The following PON1 variants were observed in gnomAD, a reference collection of about 807,000 sequenced individuals.
PON1 encodes serum paraoxonase/arylesterase 1.
Under a neutral mutation model 39.2 loss-of-function variants are expected in PON1, and 37 were observed. The observed-to-expected ratio is 0.94, with a 90% confidence interval of 0.73 to 1.24. The LOEUF is 1.24. Ranked by LOEUF, PON1 falls within the 50% of genes most tolerant of loss-of-function variation. The pLI is 0.00. For missense variants in PON1, 397 were observed against 413.5 expected (o/e 0.96, Z 0.35); for synonymous variants, 148 against 152.2 (o/e 0.97, Z 0.21).
At chr7:95,300,402 T>G (rs1272208722) in intron 8 of PON1, among the ~76,000 whole-genome samples, 2 of 152,226 alleles carry the variant, frequency 1.3e-5, no homozygotes, top group East Asian at 1.9e-4. Context: ...AGAAAGGATA[T>G]CTACATCACA....
chr7:95,303,126 G>C (rs1177132021), intron 7 of PON1, among the ~76,000 whole-genome samples: 1 of 152,150 alleles, frequency 6.6e-6, no homozygotes, highest in African/African-American at 2.4e-5. Context: ...TCAGTGCCCA[G>C]AGAACCTGTA....
At chr7:95,321,884 T>C (rs1807907055) in intron 1 of PON1, among the ~76,000 whole-genome samples, 1 of 152,232 alleles carries the variant, frequency 6.6e-6, no homozygotes. Flanking sequence ...GTCAACTTTC[T>C]TACCATAGTT....
At position 95,316,736 on chromosome 7, in the gene PON1, A is replaced by G; in HGVS notation, c.199T>C (p.Ser67Pro). The G allele has an allele frequency of 6.2e-7, 1 of 1,612,794 alleles. No individual in the cohort carries two copies. Among genetic ancestry groups the G allele is most frequent in the Non-Finnish European group, 8.5e-7 (1 of 1,178,824 alleles). The change falls in exon 3 of 9, where the codon TCT becomes CCT. Residue 67 changes from serine to proline, a missense_variant and splice_region_variant. Ser to Pro is a moderately conservative substitution (Grantham distance 74, BLOSUM62 -1). Transcript: ENST00000222381. ...ILPNGLAFIS[S>P]GLKYPGIKSF... ...GAAAAGTGAAAGAAAACACTCACAG[A>G]GCTAATGAAAGCCAGTCCATTAGGC...
At chr7:95,316,893 CTTCT>C (rs1292060775) in intron 2 of PON1, 104 bp from the exon 3 acceptor site, 1 of 823,088 alleles carries the variant, frequency 1.2e-6, no homozygotes, top group Non-Finnish European at 2.2e-6. Flanking sequence ...ATACATCACT[CTTCT>C]TTAATAGGTT....
rs760914005 is a variant in PON1 at position 95,311,521 on chromosome 7, A to G, written c.427T>C (p.Leu143=). Residue 143 remains leucine, a synonymous_variant, in exon 5 of 9, where the codon TTG becomes CTG. Transcript: ENST00000222381. ...TTTTCTTCTTCTTGAAATTTAAACA[A>G]CTCCACTGTGGACTTGGCATCTGGA... ...NHPDAKSTVE[L]FKFQEEEKSL... The G allele has an allele frequency of 9.7e-5, 156 of 1,613,798 alleles. 2 individuals are homozygous for G. The South Asian group carries it at 1.6e-3, about 16-fold the overall frequency.
Position 95,308,214 on chromosome 7 carries a change from G to A in PON1, c.498-3C>T, listed in dbSNP as rs1167729059. ...CCACAGCAACAATATCATTCAAACT[G>A]CAATTAAAACATACACACATAATAT... is the stretch of plus-strand genomic sequence containing the variant. On this transcript the variant is annotated splice_polypyrimidine_tract_variant and splice_region_variant and intron_variant, in intron 5 of 8. Coordinates refer to ENST00000222381, the MANE Select transcript of PON1 (RefSeq NM_000446.7). 1.2e-6 allele frequency: 2 copies of A among 1,612,454 alleles called. No individual in the cohort carries two copies. The highest frequency in any genetic ancestry group is 1.7e-5 in the Admixed American group (1 of 59,988).
At chr7:95,324,020 G>A (rs944087355) in intron 1 of PON1, among the ~76,000 whole-genome samples, 3 of 152,190 alleles carry the variant, frequency 2.0e-5, no homozygotes, top group African/African-American at 4.8e-5. Flanking sequence ...GCGCAGAAGC[G>A]ACAGGGGCTC....
At position 95,298,804 on chromosome 7, in the gene PON1, TAAAC is replaced by T. The variant is rs1807348998; in HGVS notation, c.*136_*139del. The T allele has an allele frequency of 2.9e-6, 3 of 1,044,788 alleles. No homozygotes were observed. The highest frequency in any genetic ancestry group is 3.8e-5 in the Admixed American group (2 of 52,172). 64.7% of individuals were successfully genotyped at this position (1,044,788 alleles called of 1,614,324 possible). A position where few individuals can be genotyped will look rare whatever the true frequency, so the allele number is the denominator to read the frequency against. On this transcript the variant is annotated 3_prime_UTR_variant, in exon 9 of 9. Transcript: ENST00000222381. The stretch of plus-strand genomic sequence containing the variant: ...CCCTACACATCATATCACTCCCAGT[TAAAC>T]AGTGCTTTGATGCTTCATGATGTCC...
chr7:95,318,469 CA>C (rs1296949033), intron 1 of PON1, 76 bp from the exon 2 acceptor site: 3 of 1,335,330 alleles, frequency 2.2e-6, no homozygotes, highest in Non-Finnish European at 3.2e-6. Flanking sequence ...AGGCAGTCCA[CA>C]AAAGTTCTCC....
intron 4 of PON1, among the ~76,000 whole-genome samples, chr7:95,313,528 C>A (rs1393157653): frequency 6.6e-6 from 1 of 151,734 alleles, no homozygotes; most frequent in Non-Finnish European, 1.5e-5. Context: ...CACTATATTT[C>A]TTTGTACTTA....
intron 8 of PON1, among the ~76,000 whole-genome samples, chr7:95,300,707 ACAAACCAAGTCCATGCTATAG>A (rs1807401107): frequency 6.6e-6 from 1 of 152,224 alleles, no homozygotes; most frequent in South Asian, 2.1e-4. Context: ...CTCCAGAACA[ACAAACCAAGTCCATGCTATAG>A]CAAATGACCC....
At chr7:95,300,297 G>A (rs780457522) in intron 8 of PON1, among the ~76,000 whole-genome samples, 3 of 152,212 alleles carry the variant, frequency 2.0e-5, no homozygotes, top group Non-Finnish European at 4.4e-5. Context: ...TTTCTCATCT[G>A]TAGAATGAAA....
At chr7:95,304,061 C>A (rs1302557075) in intron 7 of PON1, among the ~76,000 whole-genome samples, 1 of 152,002 alleles carries the variant, frequency 6.6e-6, no homozygotes, top group Non-Finnish European at 1.5e-5. Flanking sequence ...TGTTGTGCAA[C>A]CATCATCACC....
At chr7:95,311,403 C>CTT in intron 5 of PON1, 48 bp downstream of exon 5, 1 of 1,608,180 alleles carries the variant, frequency 6.2e-7, no homozygotes, top group Non-Finnish European at 8.5e-7. Flanking sequence ...AGTGGATTAA[C>CTT]TATCCGCTAC....
chr7:95,306,697 T>C (rs1807548546), intron 6 of PON1, among the ~76,000 whole-genome samples: 1 of 152,216 alleles, frequency 6.6e-6, no homozygotes. Flanking sequence ...AGGCCCAGGT[T>C]CTGCATTTCA....
In PON1 at chr7:95,298,645, G is replaced by T. The variant is rs1442482585; in HGVS notation, c.*299C>A. On this transcript the variant is annotated 3_prime_UTR_variant, in exon 9 of 9. Coordinates refer to ENST00000222381, the MANE Select transcript of PON1 (RefSeq NM_000446.7). ...CACATGTTTTAGGGTAAGTACTTTTGGGGTCACACACTGTTATTTAATATC... is the reference window on the plus strand; with the variant it reads ...CACATGTTTTAGGGTAAGTACTTTTTGGGTCACACACTGTTATTTAATATC... The T allele has an allele frequency of 1.1e-5, 5 of 443,268 alleles. No homozygotes were observed. Among genetic ancestry groups the T allele is most frequent in the Non-Finnish European group, 2.1e-5 (5 of 238,770 alleles). The allele number at this position is 443,268 out of a possible 1,614,324, so 27.5% of individuals were successfully genotyped here.
At chr7:95,300,007 A>G (rs539059478) in intron 8 of PON1, among the ~76,000 whole-genome samples, 3 of 151,796 alleles carry the variant, frequency 2.0e-5, no homozygotes, top group Admixed American at 6.5e-5. Context: ...GCCCTCAAAA[A>G]ACCATATCTG....
Position 95,302,258 on chromosome 7 carries a change from G to T in PON1, c.856C>A (p.Pro286Thr), listed in dbSNP as rs1262704386. The change falls in exon 8 of 9, where the codon CCC (proline) becomes ACC (threonine). Residue 286 changes from proline to threonine, a missense_variant. By Grantham distance (38) the Pro-to-Thr change is conservative. Coordinates refer to ENST00000222381, the MANE Select transcript of PON1 (RefSeq NM_000446.7). ...TAGAAGAAGATTTTCATGCCATTGG[G>T]ATGGCATCCAACCCAAAGGTCTCCT... Reference protein sequence around the residue: ...ETGDLWVGCHPNGMKIFFYDS... With the variant: ...ETGDLWVGCHTNGMKIFFYDS... The T allele has an allele frequency of 6.2e-7, 1 of 1,609,658 alleles. No homozygotes were observed. Among genetic ancestry groups the T allele is most frequent in the South Asian group, 1.1e-5 (1 of 90,934 alleles).
chr7:95,302,128 A>AAAAAAAAAAAAAAAATT, intron 8 of PON1, 77 bp downstream of exon 8: 3 of 1,070,196 alleles, frequency 2.8e-6, no homozygotes, highest in South Asian at 1.4e-5. Context: ...AAAACCAAGA[A>AAAAAAAAAAAAAAAATT]TTGAGAATTA....
Sources: allele counts gnomAD v4.1 joint callset (sites outside exome capture counted in the v4.1 genomes callset), GRCh38; gene constraint gnomAD v4.1.1; transcripts MANE v1.5; gene names NCBI Gene and HGNC (gene_info 2026-07-23, HGNC 2026-07-21).